Variants in RNGTT observed in about 807,000 individuals in gnomAD.
RNGTT encodes mRNA-capping enzyme.
In RNGTT, 33 loss-of-function variants were observed where a neutral mutation model predicts 79.3. The ratio of observed to expected loss-of-function variants is 0.42; its 90% CI spans 0.32 to 0.56. The LOEUF is 0.56. RNGTT is among the 20% of genes least tolerant of loss of function. The pLI is 0.17. For synonymous variants in RNGTT, 222 were observed against 235.9 expected (o/e 0.94, Z 0.54); for missense variants, 497 against 739.1 (o/e 0.67, Z 3.80).
intron 12 of RNGTT, among the ~76,000 whole-genome samples, chr6:88,783,720 G>C (rs1039832399): frequency 2.0e-5 from 3 of 152,108 alleles, no homozygotes; most frequent in African/African-American, 7.2e-5. Context: ...CAATACTACT[G>C]ACATTGGGGC....
chr6:88,759,156 A>C (rs944320703), intron 13 of RNGTT, among the ~76,000 whole-genome samples: 1 of 152,232 alleles, frequency 6.6e-6, no homozygotes, highest in Non-Finnish European at 1.5e-5. Context: ...TATTTTTAGC[A>C]AAGTTCATAA....
At chr6:88,700,034 T>G (rs951944507) in intron 13 of RNGTT, among the ~76,000 whole-genome samples, 1 of 152,174 alleles carries the variant, frequency 6.6e-6, no homozygotes, top group Non-Finnish European at 1.5e-5. Flanking sequence ...TTAATGCCAC[T>G]GATTTGTACA....
intron 14 of RNGTT, among the ~76,000 whole-genome samples, chr6:88,672,551 G>A (rs1344790290): frequency 1.3e-5 from 2 of 152,106 alleles, no homozygotes; most frequent in Non-Finnish European, 2.9e-5. Flanking sequence ...TGGGGACTCA[G>A]GGGGAAGTGT....
At chr6:88,685,737 C>G (rs1775253640) in intron 13 of RNGTT, among the ~76,000 whole-genome samples, 1 of 151,824 alleles carries the variant, frequency 6.6e-6, no homozygotes, top group South Asian at 2.1e-4. Flanking sequence ...TTTGAAAAAA[C>G]TAAACACCCT....
At chr6:88,894,905 A>AC (rs1783182816) in intron 6 of RNGTT, among the ~76,000 whole-genome samples, 1 of 152,110 alleles carries the variant, frequency 6.6e-6, no homozygotes, top group East Asian at 1.9e-4. Flanking sequence ...ATCTCTATTT[A>AC]TAAAAATAAA....
rs535438379 is a variant in RNGTT, at chr6:88,638,544, T to C, written c.1507-24149A>G. The stretch of plus-strand genomic sequence containing the variant: ...TATCTTTGTTGTGATAAGTTCAATG[T>C]TCTACCTAATTGTAAAGAAAATTTA... On this transcript the variant is annotated intron_variant, in intron 14 of 15. Transcript: ENST00000369485. 1.1e-3 allele frequency among the ~76,000 whole-genome samples: 165 copies of C among 152,280 alleles called. 8 individuals are homozygous for C. The South Asian group carries it at 0.033, about 30-fold the overall frequency.
intron 12 of RNGTT, among the ~76,000 whole-genome samples, chr6:88,794,720 A>G (rs1353845596): frequency 6.6e-6 from 1 of 152,246 alleles, no homozygotes; most frequent in East Asian, 1.9e-4. Context: ...GCATCTTTAA[A>G]GAGAACCATT....
chr6:88,857,923 T>C (rs1307749516), intron 8 of RNGTT, among the ~76,000 whole-genome samples: 1 of 152,126 alleles, frequency 6.6e-6, no homozygotes, highest in African/African-American at 2.4e-5. Context: ...ATTAAAGCTT[T>C]ACAAGGGGGA....
chr6:88,931,919 T>C (rs547906084), intron 2 of RNGTT, among the ~76,000 whole-genome samples: 76 of 152,162 alleles, frequency 5.0e-4, no homozygotes, highest in African/African-American at 1.8e-3. Flanking sequence ...TCATGAAGCA[T>C]GTGTGTTTGA....
chr6:88,935,799 T>C (rs565923927), intron 2 of RNGTT, among the ~76,000 whole-genome samples: 8 of 152,242 alleles, frequency 5.3e-5, no homozygotes, highest in Non-Finnish European at 1.5e-5. Flanking sequence ...GTTAAATTTA[T>C]TCCTGAGTAT....
rs548890188 is a variant in RNGTT, at chr6:88,663,255, T to C, written c.1506+15098A>G. 1.5e-3 allele frequency among the ~76,000 whole-genome samples: 227 copies of C among 152,256 alleles called. 1 individual carries two copies. Among genetic ancestry groups the C allele is most frequent in the Admixed American group, 4.4e-3 (67 of 15,294 alleles). The stretch of plus-strand genomic sequence containing the variant: ...TAAAGAATTTCAAGAAAGGATTCAA[T>C]GGGGACTATGGAATTGCTATGACAC... On this transcript the variant is annotated intron_variant, in intron 14 of 15. Transcript: ENST00000369485.
intron 1 of RNGTT, among the ~76,000 whole-genome samples, chr6:88,945,373 T>C (rs890908417): frequency 1.3e-5 from 2 of 152,210 alleles, no homozygotes; most frequent in African/African-American, 4.8e-5. Context: ...TTACCAACTT[T>C]TCTAGTATCT....
intron 13 of RNGTT, among the ~76,000 whole-genome samples, chr6:88,757,599 T>G (rs1234607857): frequency 6.6e-6 from 1 of 152,204 alleles, no homozygotes; most frequent in Non-Finnish European, 1.5e-5. Flanking sequence ...ATAATTTCAC[T>G]GTTGTTATGT....
chr6:88,659,406 T>C (rs1469025686), intron 14 of RNGTT, among the ~76,000 whole-genome samples: 3 of 152,236 alleles, frequency 2.0e-5, no homozygotes, highest in East Asian at 3.9e-4. Context: ...AAATACAGGA[T>C]ATGGTTGAAA....
intron 11 of RNGTT, among the ~76,000 whole-genome samples, chr6:88,822,909 C>G (rs1780540064): frequency 6.6e-6 from 1 of 152,136 alleles, no homozygotes; most frequent in African/African-American, 2.4e-5. Flanking sequence ...TCAATTCCTA[C>G]TCCACATTAC....
chr6:88,847,877 A>G (rs529089169), intron 10 of RNGTT, among the ~76,000 whole-genome samples: 7 of 151,980 alleles, frequency 4.6e-5, no homozygotes, highest in Non-Finnish European at 1.0e-4. Flanking sequence ...ACTCCTACAT[A>G]TTAAGAAGAA....
intron 12 of RNGTT, among the ~76,000 whole-genome samples, chr6:88,786,527 G>C (rs1779234736): frequency 6.6e-6 from 1 of 152,192 alleles, no homozygotes; most frequent in Middle Eastern, 3.4e-3. Context: ...ATATAGATAG[G>C]AGTCTAATAA....
chr6:88,803,755 C>A (rs527948492), intron 11 of RNGTT, among the ~76,000 whole-genome samples: 36 of 151,278 alleles, frequency 2.4e-4, no homozygotes, highest in Non-Finnish European at 4.9e-4. Context: ...GGCAAGTTAA[C>A]ATGGTAGTTT....
intron 14 of RNGTT, among the ~76,000 whole-genome samples, chr6:88,674,471 C>T (rs889341823): frequency 6.6e-6 from 1 of 151,982 alleles, no homozygotes; most frequent in Non-Finnish European, 1.5e-5. Flanking sequence ...CCTGAGAGGC[C>T]AACGCTGCAG....
Sources: gnomAD v4.1 joint callset for allele counts (sites outside exome capture counted in the v4.1 genomes callset) on GRCh38, gnomAD v4.1.1 for gene constraint, MANE v1.5 for transcripts, NCBI Gene and HGNC (gene_info 2026-07-23, HGNC 2026-07-21) for gene names.